The following ABLIM3 variants were observed in gnomAD, a reference collection of about 807,000 sequenced individuals.
ABLIM3 encodes actin binding LIM protein family member 3.
ABLIM3 carries 61 observed loss-of-function variants against 109.5 expected under a neutral mutation model. The observed-to-expected ratio is 0.56, with a 90% CI of 0.45 to 0.69. The LOEUF (loss-of-function observed/expected upper bound fraction) is 0.69, where lower values mean the gene tolerates loss of function less well. Among genes scored for constraint, ABLIM3 ranks in the 30% least tolerant of loss-of-function variants. The probability of loss-of-function intolerance (pLI) is 0.00; values close to 1 mark genes in which losing one functional copy is unlikely to be tolerated. For missense variants in ABLIM3, 796 were observed against 889.5 expected (o/e 0.89, Z 1.34); for synonymous variants, 300 against 324.8 (o/e 0.92, Z 0.82).
rs113503401 is a variant in ABLIM3, at chr5:149,203,911, G to T, written c.449-3097G>T. Among the ~76,000 whole-genome samples the T allele has an allele frequency of 9.7e-3, 1,484 of 152,312 alleles. 17 individuals are homozygous for T. The highest frequency in any genetic ancestry group is 0.034 in the African/African-American group (1,419 of 41,568). ...TTATAGATGAGAAAACTGAGACTCA[G>T]TGAGCATAAATGACTTGCCCAAAGT... On this transcript the variant is annotated intron_variant, in intron 5 of 23. Transcript: ENST00000309868.
intron 8 of ABLIM3, among the ~76,000 whole-genome samples, chr5:149,225,163 C>T (rs1761045630): frequency 6.6e-6 from 1 of 152,184 alleles, no homozygotes; most frequent in African/African-American, 2.4e-5. Flanking sequence ...GTAAAATTCT[C>T]ATAACACAAA....
intron 2 of ABLIM3, among the ~76,000 whole-genome samples, chr5:149,144,817 A>G (rs1410547820): frequency 6.6e-6 from 1 of 152,216 alleles, no homozygotes; most frequent in East Asian, 1.9e-4. Flanking sequence ...TCAAATGTCA[A>G]CACTGAAATA....
intron 5 of ABLIM3, among the ~76,000 whole-genome samples, chr5:149,201,393 C>T (rs936455793): frequency 1.3e-5 from 2 of 152,156 alleles, no homozygotes; most frequent in Non-Finnish European, 2.9e-5. Context: ...GTGCAGGGTG[C>T]TGTTGGCCAT....
intron 17 of ABLIM3, 59 bp downstream of exon 17, chr5:149,246,605 T>A (rs1753387705): frequency 1.9e-6 from 3 of 1,546,384 alleles, no homozygotes; most frequent in Non-Finnish European, 2.6e-6. Flanking sequence ...TGAGGGTCTT[T>A]TCATTTACAA....
At chr5:149,186,531 A>G (rs1342088426) in intron 3 of ABLIM3, among the ~76,000 whole-genome samples, 3 of 152,206 alleles carry the variant, frequency 2.0e-5, no homozygotes, top group African/African-American at 7.2e-5. Context: ...ATTTATAACA[A>G]TATATAAAAT....
chr5:149,238,025 C>T (rs1752409729), intron 11 of ABLIM3, among the ~76,000 whole-genome samples: 1 of 152,118 alleles, frequency 6.6e-6, no homozygotes, highest in South Asian at 2.1e-4. Context: ...GGCTCAGTGG[C>T]CATTTAGATT....
chr5:149,173,276 A>T (rs763017903), intron 2 of ABLIM3, among the ~76,000 whole-genome samples: 3 of 152,186 alleles, frequency 2.0e-5, no homozygotes, highest in Non-Finnish European at 2.9e-5. Flanking sequence ...TAGGACTTTG[A>T]GCAATGGGAG....
chr5:149,206,881 C>T, intron 5 of ABLIM3, 127 bp from the exon 6 acceptor site: 1 of 1,142,554 alleles, frequency 8.8e-7, no homozygotes. Context: ...GGGAAGCTTC[C>T]AGTGTCAGGT....
At chr5:149,203,028 G>A (rs1348304623) in intron 5 of ABLIM3, among the ~76,000 whole-genome samples, 1 of 149,704 alleles carries the variant, frequency 6.7e-6, no homozygotes, top group African/African-American at 2.5e-5. Flanking sequence ...CACCAGCATT[G>A]CCATCACACC....
rs5872116 is a variant in ABLIM3, at chr5:149,223,122, ATT to A, written c.757+6086_757+6087del. On this transcript the variant is annotated intron_variant, in intron 8 of 23. Coordinates refer to ENST00000309868, the MANE Select transcript of ABLIM3 (RefSeq NM_014945.5). ...ATATTTTAATTTTTGGCGAGCTGCC[ATT>A]TTTTTTTTTATTTAGATTTTAAGGG... is the stretch of plus-strand genomic sequence containing the variant. Among the ~76,000 whole-genome samples the A allele has an allele frequency of 1.5e-3, 229 of 148,140 alleles. 2 individuals carry two copies. In the East Asian group the frequency reaches 0.031, roughly 20 times the overall value.
At chr5:149,183,353 T>C in intron 2 of ABLIM3, 99 bp from the exon 3 acceptor site, 1 of 1,367,094 alleles carries the variant, frequency 7.3e-7, no homozygotes, top group East Asian at 2.7e-5. Context: ...TTTCTTCCCC[T>C]TCCACTTTTT....
intron 2 of ABLIM3, 57 bp from the exon 3 acceptor site, chr5:149,183,395 G>T: frequency 6.9e-7 from 1 of 1,456,082 alleles, no homozygotes; most frequent in South Asian, 1.5e-5. Context: ...ATGTCTTGCA[G>T]CAGACTTTGT....
intron 23 of ABLIM3, among the ~76,000 whole-genome samples, chr5:149,254,977 G>A (rs1754302377): frequency 6.6e-6 from 1 of 152,214 alleles, no homozygotes; most frequent in Admixed American, 6.5e-5. Context: ...CCAGCCTCCT[G>A]CACTAGTTCT....
At chr5:149,209,391 T>C (rs1759323467) in intron 6 of ABLIM3, among the ~76,000 whole-genome samples, 1 of 152,156 alleles carries the variant, frequency 6.6e-6, no homozygotes, top group Non-Finnish European at 1.5e-5. Flanking sequence ...TATGTGACCT[T>C]GGCAAGGGAC....
At chr5:149,144,551 C>T (rs1483373482) in intron 2 of ABLIM3, among the ~76,000 whole-genome samples, 2 of 152,174 alleles carry the variant, frequency 1.3e-5, no homozygotes, top group Non-Finnish European at 2.9e-5. Flanking sequence ...TTTTCTTTCA[C>T]TTCTATTTAT....
chr5:149,238,937 C>T (rs962439597), intron 11 of ABLIM3, among the ~76,000 whole-genome samples: 1 of 152,204 alleles, frequency 6.6e-6, no homozygotes, highest in African/African-American at 2.4e-5. Flanking sequence ...CCTGAGCATG[C>T]AGCACAGAAG....
intron 23 of ABLIM3, among the ~76,000 whole-genome samples, chr5:149,258,079 C>T (rs942642389): frequency 2.0e-5 from 3 of 152,196 alleles, no homozygotes; most frequent in African/African-American, 7.2e-5. Flanking sequence ...CAAATCAGCT[C>T]CAGAGTCCTC....
chr5:149,232,586 C>G (rs145661525), intron 9 of ABLIM3, among the ~76,000 whole-genome samples: 1 of 152,308 alleles, frequency 6.6e-6, no homozygotes, highest in African/African-American at 2.4e-5. Flanking sequence ...GAAGCTCAGC[C>G]TCTTCATTTC....
At chr5:149,242,453 C>T (rs779739301) in intron 14 of ABLIM3, 38 bp from the exon 15 acceptor site, 1 of 1,603,412 alleles carries the variant, frequency 6.2e-7, no homozygotes, top group Admixed American at 1.7e-5. Flanking sequence ...GTCTCTCTCT[C>T]TCCCCTCCCC....
Sources: allele counts gnomAD v4.1 joint callset (sites outside exome capture counted in the v4.1 genomes callset), GRCh38; gene constraint gnomAD v4.1.1; transcripts MANE v1.5; gene names NCBI Gene and HGNC (gene_info 2026-07-23, HGNC 2026-07-21).